The following SH3RF3 variants were observed in gnomAD, a reference collection of about 807,000 sequenced individuals.
The protein encoded by SH3RF3 is E3 ubiquitin-protein ligase SH3RF3.
Under a neutral mutation model 66.3 loss-of-function variants are expected in SH3RF3, and 29 were observed. The ratio of observed to expected loss-of-function variants is 0.44; its 90% CI spans 0.33 to 0.60. The LOEUF (loss-of-function observed/expected upper bound fraction) is 0.60, where lower values mean the gene tolerates loss of function less well. SH3RF3 is among the 20% of genes least tolerant of loss of function. SH3RF3 has a pLI of 0.04. For synonymous variants in SH3RF3, 583 were observed against 532.0 expected, an observed-to-expected ratio of 1.10 and a Z score of -1.32; for missense variants, 1,194 against 1,190.9, an observed-to-expected ratio of 1.00 and a Z score of -0.04.
Position 109,130,008 on chromosome 2 carries a change from G to C in SH3RF3, c.468G>C (p.Ala156=), listed in dbSNP as rs752469132. 3.1e-6 allele frequency: 4 copies of C among 1,301,794 alleles called. No homozygotes were observed. Among genetic ancestry groups the C allele is most frequent in the Non-Finnish European group, 3.9e-6 (4 of 1,029,730 alleles). 80.6% of individuals were successfully genotyped at this position (1,301,794 alleles called of 1,614,324 possible). Residue 156 remains alanine (A), a synonymous_variant, in exon 1 of 10, where the codon GCG becomes GCC. Coordinates refer to ENST00000309415, the MANE Select transcript of SH3RF3 (RefSeq NM_001099289.3). ...CGCTCGCGGGCGGCGGGGGCGGCGC[G>C]GCAGGCAGCACCCCGGGTTCCCCGG... ...APTLAGGGGG[A]AGSTPGSPVF... is the part of the protein sequence containing the mutation.
At position 109,129,876 on chromosome 2, in the gene SH3RF3, C is replaced by T. The variant is rs1214864521; in HGVS notation, c.336C>T (p.Ile112=). ...GCGTGGACGAACTGCCCGCCAACAT[C>T]TTGCTGGTGCGACTGCTGGACGGCA... ...GCGVDELPAN[I]LLVRLLDGIR... Residue 112 remains isoleucine (I), a synonymous_variant, in exon 1 of 10, where the codon ATC becomes ATT. Coordinates refer to ENST00000309415, the MANE Select transcript of SH3RF3 (RefSeq NM_001099289.3). The T allele has an allele frequency of 3.3e-6, 5 of 1,522,240 alleles. No homozygotes were observed. The East Asian group carries it at 1.3e-4, about 39-fold the overall frequency. The allele number at this position is 1,522,240 out of a possible 1,614,324, so 94.3% of individuals were successfully genotyped here.
At chr2:109,312,593 A>G (rs1231480489) in intron 1 of SH3RF3, among the ~76,000 whole-genome samples, 1 of 139,898 alleles carries the variant, frequency 7.1e-6, no homozygotes, top group Admixed American at 7.7e-5. Flanking sequence ...GAATTTGCCC[A>G]CTCTGGAGAT....
At chr2:109,244,828 A>G (rs868232528) in intron 1 of SH3RF3, among the ~76,000 whole-genome samples, 10 of 152,182 alleles carry the variant, frequency 6.6e-5, no homozygotes, top group South Asian at 2.1e-4. Flanking sequence ...TGGCCTGAGA[A>G]CAGGGGAGGT....
At chr2:109,441,452 A>G (rs1677560875) in intron 7 of SH3RF3, among the ~76,000 whole-genome samples, 1 of 152,216 alleles carries the variant, frequency 6.6e-6, no homozygotes, top group African/African-American at 2.4e-5. Flanking sequence ...TGCTGAAGAA[A>G]AAATATTTGT....
At chr2:109,405,916 G>A (rs905551014) in intron 4 of SH3RF3, among the ~76,000 whole-genome samples, 1 of 152,240 alleles carries the variant, frequency 6.6e-6, no homozygotes, top group African/African-American at 2.4e-5. Context: ...AGACAGCACC[G>A]GCAGCATTCC....
intron 1 of SH3RF3, among the ~76,000 whole-genome samples, chr2:109,296,158 G>A (rs1457699452): frequency 6.6e-6 from 1 of 152,048 alleles, no homozygotes; most frequent in Non-Finnish European, 1.5e-5. Flanking sequence ...GCCCATGTCA[G>A]CATTATCCCC....
intron 8 of SH3RF3, among the ~76,000 whole-genome samples, chr2:109,459,017 T>C (rs1443173252): frequency 5.3e-5 from 8 of 152,158 alleles, no homozygotes; most frequent in Middle Eastern, 3.2e-3. Context: ...AGCAAAGTCA[T>C]ACTTCTGCCT....
chr2:109,203,845 C>T (rs1356402915), intron 1 of SH3RF3, among the ~76,000 whole-genome samples: 1 of 152,146 alleles, frequency 6.6e-6, no homozygotes, highest in Non-Finnish European at 1.5e-5. Context: ...TGTGTGGGTG[C>T]CTCGCTACCT....
At position 109,254,738 on chromosome 2, in the gene SH3RF3, T is replaced by A. The variant is rs189822097; in HGVS notation, c.574-92936T>A. Among the ~76,000 whole-genome samples, 7 of 152,250 alleles carry A rather than the reference T, an allele frequency of 4.6e-5. No homozygotes were observed. The East Asian group carries it at 1.4e-3, about 30-fold the overall frequency. ...GCCAGCCGCTCCCATGAGAGGAGCCTCTCATTGCCGGGACTTTAGTGGCTC... is the reference window on the plus strand; with the variant it reads ...GCCAGCCGCTCCCATGAGAGGAGCCACTCATTGCCGGGACTTTAGTGGCTC... On this transcript the variant is annotated intron_variant, in intron 1 of 9. Transcript: ENST00000309415.
chr2:109,371,550 C>G, intron 2 of SH3RF3, 36 bp from the exon 3 acceptor site: 1 of 1,572,976 alleles, frequency 6.4e-7, no homozygotes, highest in Non-Finnish European at 8.7e-7. Flanking sequence ...TGTGTGTGTC[C>G]GTATGCTTGT....
chr2:109,484,420 C>T (rs1678916567), intron 8 of SH3RF3, among the ~76,000 whole-genome samples: 1 of 152,156 alleles, frequency 6.6e-6, no homozygotes, highest in Non-Finnish European at 1.5e-5. Flanking sequence ...CCCATCCACA[C>T]TCTGGCCCGC....
intron 1 of SH3RF3, among the ~76,000 whole-genome samples, chr2:109,178,003 A>C (rs1677967003): frequency 6.6e-6 from 1 of 152,214 alleles, no homozygotes; most frequent in Non-Finnish European, 1.5e-5. Flanking sequence ...AGACCTAAAC[A>C]AAGGGCCTAA....
At chr2:109,433,944 A>G (rs1032935270) in intron 6 of SH3RF3, among the ~76,000 whole-genome samples, 1 of 152,222 alleles carries the variant, frequency 6.6e-6, no homozygotes, top group Non-Finnish European at 1.5e-5. Context: ...AGCTGCCCAC[A>G]GCCTCCTGCG....
In SH3RF3 at chr2:109,369,761, T is replaced by C. The variant is rs192308287; in HGVS notation, c.850-1825T>C. On this transcript the variant is annotated intron_variant, in intron 2 of 9. Coordinates refer to ENST00000309415, the MANE Select transcript of SH3RF3 (RefSeq NM_001099289.3). ...CCAGCTCTGTTAGATCAATGCTGCC[T>C]CAACTCGGATGGACACCAAACCCTA... is the stretch of plus-strand genomic sequence containing the variant. Among the ~76,000 whole-genome samples, 22 of 152,280 alleles carry C rather than the reference T, an allele frequency of 1.4e-4. No homozygotes were observed. In the East Asian group the frequency reaches 4.3e-3, roughly 29 times the overall value.
intron 8 of SH3RF3, among the ~76,000 whole-genome samples, chr2:109,468,533 G>C: frequency 6.6e-6 from 1 of 152,026 alleles, no homozygotes; most frequent in East Asian, 1.9e-4. Context: ...GGCAAGAAGC[G>C]AGCACAAACG....
chr2:109,382,068 T>G (rs1675699043), intron 3 of SH3RF3, among the ~76,000 whole-genome samples: 1 of 152,068 alleles, frequency 6.6e-6, no homozygotes. Flanking sequence ...CAGTTGCTTA[T>G]GAGAAAGGGG....
intron 1 of SH3RF3, among the ~76,000 whole-genome samples, chr2:109,249,534 TCCTTCC>T (rs1558981498): frequency 6.1e-4 from 66 of 109,026 alleles, no homozygotes; most frequent in South Asian, 1.8e-3. Context: ...TTTCTTTCTT[TCCTTCC>T]TTCCTTCCTT....
chr2:109,491,392 C>T (rs36180347), intron 9 of SH3RF3, among the ~76,000 whole-genome samples: 12,558 of 152,234 alleles, frequency 0.082, 668 homozygotes, highest in African/African-American at 0.15. Context: ...TTACTCAAGA[C>T]GGCTTCAAGT....
intron 7 of SH3RF3, among the ~76,000 whole-genome samples, chr2:109,445,902 G>C (rs1009196464): frequency 6.6e-5 from 10 of 152,204 alleles, no homozygotes; most frequent in African/African-American, 2.4e-4. Flanking sequence ...CAGATACTAG[G>C]GACATAGAAT....
Sources: allele counts gnomAD v4.1 joint callset (sites outside exome capture counted in the v4.1 genomes callset), GRCh38; gene constraint gnomAD v4.1.1; transcripts MANE v1.5; gene names NCBI Gene and HGNC (gene_info 2026-07-23, HGNC 2026-07-21).